The following CSMD1 variants were observed in gnomAD, a reference collection of about 807,000 sequenced individuals.
The protein encoded by CSMD1 is CUB and Sushi multiple domains 1.
CSMD1 carries 213 observed loss-of-function variants against 417.5 expected under a neutral mutation model. That is an observed-to-expected ratio of 0.51 (90% CI 0.46 to 0.57). The LOEUF is 0.57. Among genes scored for constraint, CSMD1 ranks in the 20% least tolerant of loss-of-function variants. CSMD1 has a pLI of 0.00. For synonymous variants in CSMD1, 2,862 were observed against 1,736.8 expected (o/e 1.65, Z -16.11); for missense variants, 6,923 against 4,529.7 (o/e 1.53, Z -15.17).
intron 2 of CSMD1, among the ~76,000 whole-genome samples, chr8:4,485,228 C>A (rs934890829): frequency 2.0e-5 from 3 of 152,032 alleles, no homozygotes; most frequent in Non-Finnish European, 4.4e-5. Context: ...ACTTTTCATC[C>A]CTTGAGAAAA....
chr8:3,004,260 T>C (rs1807681641), intron 52 of CSMD1, among the ~76,000 whole-genome samples: 1 of 152,194 alleles, frequency 6.6e-6, no homozygotes, highest in African/African-American at 2.4e-5. Context: ...TTATTATTCA[T>C]TGACGTTTAG....
At chr8:3,138,505 G>A (rs1818240354) in intron 41 of CSMD1, among the ~76,000 whole-genome samples, 1 of 152,140 alleles carries the variant, frequency 6.6e-6, no homozygotes, top group Non-Finnish European at 1.5e-5. Context: ...AGATTTGGTG[G>A]GAATGCTCGT....
At chr8:3,260,021 C>G (rs1017282091) in intron 26 of CSMD1, among the ~76,000 whole-genome samples, 1 of 152,142 alleles carries the variant, frequency 6.6e-6, no homozygotes, top group African/African-American at 2.4e-5. Context: ...CTCTCTGACT[C>G]TTCAGGGAAA....
intron 1 of CSMD1, among the ~76,000 whole-genome samples, chr8:4,981,096 C>T (rs1449623046): frequency 6.6e-6 from 1 of 152,116 alleles, no homozygotes; most frequent in African/African-American, 2.4e-5. Flanking sequence ...AGATATTTCC[C>T]ATGTGTGTAC....
intron 3 of CSMD1, among the ~76,000 whole-genome samples, chr8:4,318,338 C>G (rs961756199): frequency 6.6e-6 from 1 of 152,108 alleles, no homozygotes; most frequent in African/African-American, 2.4e-5. Context: ...GGTCATCCAT[C>G]CCTCCTCTCT....
chr8:3,906,286 T>C (rs536934033), intron 5 of CSMD1, among the ~76,000 whole-genome samples: 59 of 110,658 alleles, frequency 5.3e-4, no homozygotes, highest in African/African-American at 1.5e-3. Context: ...AAATCAATTG[T>C]CATAGGGAAA....
rs1374002905 is a variant in CSMD1 at position 3,319,554 on chromosome 8, T to C, written c.3632-11051A>G. Among the ~76,000 whole-genome samples, 4 of 152,182 alleles carry C rather than the reference T, an allele frequency of 2.6e-5. No individual in the cohort carries two copies. In the East Asian group the frequency reaches 7.7e-4, roughly 29 times the overall value. ...AATGTATCTAAATTATATTGAAATA[T>C]AATTCTATGCTTTCAAACACTTCCG... On this transcript the variant is annotated intron_variant, in intron 23 of 69. Transcript: ENST00000635120.
intron 3 of CSMD1, among the ~76,000 whole-genome samples, chr8:4,336,756 C>A (rs967560984): frequency 2.6e-5 from 4 of 152,032 alleles, no homozygotes; most frequent in Non-Finnish European, 5.9e-5. Context: ...TGACTGGATC[C>A]ACAATGGGCA....
intron 26 of CSMD1, among the ~76,000 whole-genome samples, chr8:3,232,694 T>A (rs1473844138): frequency 6.6e-6 from 1 of 152,152 alleles, no homozygotes; most frequent in Non-Finnish European, 1.5e-5. Flanking sequence ...TTAGTCTCCT[T>A]ATGTGCCCTG....
intron 3 of CSMD1, among the ~76,000 whole-genome samples, chr8:4,232,628 G>A (rs1169359397): frequency 2.6e-5 from 4 of 152,128 alleles, no homozygotes; most frequent in African/African-American, 9.7e-5. Context: ...CAAATTAGAT[G>A]AAGGGTATTT....
At chr8:3,622,027 G>T (rs75841950) in intron 7 of CSMD1, among the ~76,000 whole-genome samples, 7,921 of 150,602 alleles carry the variant, frequency 0.053, 405 homozygotes, top group East Asian at 0.29. Context: ...GTTTGAATAG[G>T]TCTGTATTTC....
chr8:4,320,469 A>T (rs1799208084), intron 3 of CSMD1, among the ~76,000 whole-genome samples: 1 of 152,096 alleles, frequency 6.6e-6, no homozygotes, highest in African/African-American at 2.4e-5. Context: ...TCAACCTGCG[A>T]TCTACATTAG....
chr8:4,798,632 C>T (rs932510886), intron 1 of CSMD1, among the ~76,000 whole-genome samples: 2 of 152,056 alleles, frequency 1.3e-5, no homozygotes, highest in Admixed American at 1.3e-4. Flanking sequence ...TCGTCTAAAA[C>T]CTGGTCAATT....
intron 3 of CSMD1, among the ~76,000 whole-genome samples, chr8:4,362,539 T>G (rs555131116): frequency 6.6e-6 from 1 of 152,226 alleles, no homozygotes; most frequent in East Asian, 1.9e-4. Context: ...ACAGGATCTT[T>G]AATTTATTGT....
chr8:4,638,521 A>C (rs992610002), intron 1 of CSMD1, among the ~76,000 whole-genome samples: 2 of 152,254 alleles, frequency 1.3e-5, no homozygotes, highest in African/African-American at 4.8e-5. Flanking sequence ...CAACATCCTC[A>C]CTATTGATGT....
chr8:3,241,551 G>A (rs1029804401), intron 26 of CSMD1, among the ~76,000 whole-genome samples: 1 of 152,164 alleles, frequency 6.6e-6, no homozygotes, highest in African/African-American at 2.4e-5. Context: ...CAGGGGCTCT[G>A]GGAGTGGCTG....
intron 1 of CSMD1, among the ~76,000 whole-genome samples, chr8:4,727,859 T>C (rs568538032): frequency 4.0e-5 from 6 of 149,160 alleles, no homozygotes; most frequent in Admixed American, 3.4e-4. Flanking sequence ...ATATTGGATA[T>C]ATATTTAGCT....
intron 1 of CSMD1, among the ~76,000 whole-genome samples, chr8:4,945,381 A>T (rs1376597707): frequency 6.6e-6 from 1 of 152,166 alleles, no homozygotes; most frequent in East Asian, 1.9e-4. Context: ...CCTGCCGAAA[A>T]ATAGTTCAGA....
intron 7 of CSMD1, among the ~76,000 whole-genome samples, chr8:3,653,830 T>A (rs1275553134): frequency 3.3e-5 from 5 of 152,216 alleles, no homozygotes; most frequent in Admixed American, 3.3e-4. Context: ...TTGATAGATT[T>A]AAATATATAT....
Sources: allele counts gnomAD v4.1 joint callset (sites outside exome capture counted in the v4.1 genomes callset), GRCh38; gene constraint gnomAD v4.1.1; transcripts MANE v1.5; gene names NCBI Gene and HGNC (gene_info 2026-07-23, HGNC 2026-07-21).